IL17REL: variants seen among roughly 807,000 people sequenced by gnomAD.
IL17REL encodes the protein interleukin 17 receptor E like.
IL17REL carries 36 observed loss-of-function variants against 49.0 expected under a neutral mutation model. The ratio of observed to expected loss-of-function variants is 0.73; its 90% CI spans 0.56 to 0.97. IL17REL has a LOEUF of 0.97. IL17REL is among the 50% of genes least tolerant of loss of function. The pLI is 0.00. For missense variants in IL17REL, 470 were observed against 453.9 expected, an observed-to-expected ratio of 1.04 and a Z score of -0.32; for synonymous variants, 206 against 192.4, an observed-to-expected ratio of 1.07 and a Z score of -0.58.
chr22:49,995,589 C>T (rs372378318), exon 13 of IL17REL: 2 of 152,704 alleles, frequency 1.3e-5, no homozygotes, highest in South Asian at 2.1e-4. Flanking sequence ...CTCAGGCTGC[C>T]GTCCCATGTG....
At chr22:49,998,416 A>AATC (rs2061050884) in intron 7 of IL17REL, 107 bp from the exon 10 acceptor site, 1 of 760,724 alleles carries the variant, frequency 1.3e-6, no homozygotes, top group African/African-American at 5.4e-5. Flanking sequence ...GGTCCAGCGC[A>AATC]GTCCTATGGG....
chr22:49,997,307 T>A lies in IL17REL; in HGVS notation c.974+13A>T. On this transcript the variant is annotated intron_variant, in intron 11 of 12. Transcript: ENST00000341280. ...CCACCTCCCCAGGATGGAGCCCCAC[T>A]CTCTCGGCTCACTGAGGCTGAAGGG... 6.2e-7 allele frequency: 1 copy of A among 1,610,862 alleles called. No homozygotes were observed. The highest frequency in any genetic ancestry group is 2.2e-5 in the East Asian group (1 of 44,828).
At position 49,997,306 on chromosome 22, in the gene IL17REL, C is replaced by G. The variant is rs371539624; in HGVS notation, c.974+14G>C. 3.8e-5 allele frequency: 61 copies of G among 1,610,636 alleles called. No homozygotes were observed. Among genetic ancestry groups the G allele is most frequent in the Non-Finnish European group, 5.1e-5 (60 of 1,177,926 alleles). On this transcript the variant is annotated intron_variant, in intron 11 of 12. Coordinates refer to ENST00000341280, the Ensembl canonical transcript of IL17REL. ...CCCACCTCCCCAGGATGGAGCCCCA[C>G]TCTCTCGGCTCACTGAGGCTGAAGG...
At chr22:49,997,873 A>G in intron 9 of IL17REL, 131 bp from the exon 12 acceptor site, 1 of 1,372,382 alleles carries the variant, frequency 7.3e-7, no homozygotes, top group South Asian at 1.2e-5. Flanking sequence ...TTAGGCCCTT[A>G]GCTCACCCAC....
chr22:49,999,574 A>C (rs1430285714), intron 5 of IL17REL, 72 bp from the exon 8 acceptor site: 4 of 921,730 alleles, frequency 4.3e-6, no homozygotes, highest in South Asian at 4.2e-5. Flanking sequence ...CGGGACCTGC[A>C]CCGAACGGGG....
Position 50,007,590 on chromosome 22 carries a change from G to C in IL17REL, c.-42+1047C>G, listed in dbSNP as rs992764268. Reference sequence around the variant, plus strand: ...AGACAGGTTTCACCATGTTGGCCAGGCTGGTCTCGAACTCCTGACGTCAGG... The same window carrying C: ...AGACAGGTTTCACCATGTTGGCCAGCCTGGTCTCGAACTCCTGACGTCAGG... On this transcript the variant is annotated intron_variant, in intron 1 of 12. Coordinates refer to ENST00000341280, the Ensembl canonical transcript of IL17REL. 4.1e-4 allele frequency among the ~76,000 whole-genome samples: 62 copies of C among 152,038 alleles called. 1 individual carries two copies. The highest frequency in any genetic ancestry group is 1.4e-3 in the African/African-American group (57 of 41,408).
At chr22:49,999,063 A>G (rs557425200) in intron 7 of IL17REL, among the ~76,000 whole-genome samples, 2 of 151,928 alleles carry the variant, frequency 1.3e-5, no homozygotes, top group African/African-American at 4.8e-5. Flanking sequence ...TGGTTTTCCC[A>G]GGTGAGCTGG....
chr22:49,997,861 CCTT>C, intron 9 of IL17REL, 119 bp from the exon 12 acceptor site: 1 of 1,356,722 alleles, frequency 7.4e-7, no homozygotes, highest in Non-Finnish European at 1.0e-6. Flanking sequence ...CAGTTCTCCT[CCTT>C]AGGCCCTTAG....
chr22:49,997,120 T>C, intron 11 of IL17REL, 46 bp from the exon 14 acceptor site: 1 of 1,541,130 alleles, frequency 6.5e-7, no homozygotes, highest in Non-Finnish European at 8.8e-7. Context: ...GAAGGGTGGA[T>C]CAGGCTAAAC....
chr22:49,995,219 G>A (rs1043266292), exon 13 of IL17REL: 2 of 152,564 alleles, frequency 1.3e-5, no homozygotes, highest in Non-Finnish European at 2.9e-5. Flanking sequence ...GGAAGCTCCA[G>A]GCAGCTGCCA....
At chr22:50,004,984 A>G (rs1337901723) in intron 1 of IL17REL, among the ~76,000 whole-genome samples, 1 of 151,436 alleles carries the variant, frequency 6.6e-6, no homozygotes, top group African/African-American at 2.4e-5. Flanking sequence ...AAAAAAAAAA[A>G]AAAAAAAAGG....
exon 3 of IL17REL, chr22:50,000,765 C>A (rs9617090): frequency 4.4e-6 from 7 of 1,589,222 alleles, no homozygotes; most frequent in South Asian, 2.2e-5. Context: ...TGCTGCCCCC[C>A]CTGCTGCCGG....
chr22:49,993,553 G>A (rs976499227), downstream of IL17REL, among the ~76,000 whole-genome samples: 1 of 152,208 alleles, frequency 6.6e-6, no homozygotes, highest in African/African-American at 2.4e-5. This position sits in a 1 kb window ranked among gnomAD's most constrained non-coding sequence, Gnocchi z 6.0. Flanking sequence ...GCCGCCTGGT[G>A]GCAGCACGCG....
chr22:50,000,672 A>G, intron 3 of IL17REL, 80 bp from the exon 5 acceptor site: 1 of 1,547,506 alleles, frequency 6.5e-7, no homozygotes. Flanking sequence ...GCATGGCTGG[A>G]GCTTAGAGCC....
upstream of IL17REL, chr22:50,012,579 G>A (rs1056252922): frequency 1.3e-5 from 2 of 152,340 alleles, no homozygotes; most frequent in African/African-American, 2.4e-5. Context: ...TGTAATCCGG[G>A]GGATGGCCAG....
chr22:49,997,417 C>A lies in IL17REL; in HGVS notation c.878-1G>T, dbSNP rs1227897254. 2 of 1,613,262 alleles carry A rather than the reference C, an allele frequency of 1.2e-6. No individual in the cohort carries two copies. The highest frequency in any genetic ancestry group is 1.7e-6 in the Non-Finnish European group (2 of 1,179,692). ...CAGGTGCACCTGGAAGTGGGCGGGG[C>A]TGGACGAGAAGAAGGTGACCCGGAG... On this transcript the variant is annotated splice_acceptor_variant, in intron 10 of 12. Transcript: ENST00000341280. LOFTEE classifies it high-confidence loss of function.
In IL17REL at chr22:50,000,812, G is replaced by C. The variant is rs376895359; in HGVS notation, c.161C>G (p.Thr54Arg). 1.3e-4 allele frequency: 213 copies of C among 1,603,242 alleles called. 1 individual carries two copies. The highest frequency in any genetic ancestry group is 1.9e-4 in the Middle Eastern group (1 of 5,338). ...GGCCACCCACACGCTCTGACACTGCGTCTCCTGGGTGTCCAGGCTCATGGC... is the reference window on the plus strand; with the variant it reads ...GGCCACCCACACGCTCTGACACTGCCTCTCCTGGGTGTCCAGGCTCATGGC... Residue 54 changes from threonine to arginine, a missense_variant, in exon 3 of 13, where the codon ACG becomes AGG. Coordinates refer to ENST00000341280, the Ensembl canonical transcript of IL17REL.
At chr22:49,998,580 GGTGT>G (rs779110264) in intron 7 of IL17REL, among the ~76,000 whole-genome samples, 6 of 151,476 alleles carry the variant, frequency 4.0e-5, no homozygotes, top group Non-Finnish European at 5.9e-5. Flanking sequence ...CCTGTGCATG[GGTGT>G]GTGTATGTGT....
upstream of IL17REL, among the ~76,000 whole-genome samples, chr22:50,009,414 G>A (rs1840897537): frequency 6.6e-6 from 1 of 152,308 alleles, no homozygotes; most frequent in African/African-American, 2.4e-5. Flanking sequence ...TGTGGGTGAG[G>A]CAGAAGGCGC....
Sources: allele counts gnomAD v4.1 joint callset (sites outside exome capture counted in the v4.1 genomes callset), GRCh38; gene constraint gnomAD v4.1.1; non-coding constraint Gnocchi (gnomAD v3.1); transcripts MANE v1.5; gene names NCBI Gene and HGNC (gene_info 2026-07-23, HGNC 2026-07-21).